Variants in TBC1D5 observed in about 807,000 individuals in gnomAD.
TBC1D5 encodes the protein TBC1 domain family member 5.
A neutral mutation model predicts 100.3 loss-of-function variants in TBC1D5; 75 were observed. The ratio of observed to expected loss-of-function variants is 0.75; its 90% CI spans 0.62 to 0.91. The LOEUF (loss-of-function observed/expected upper bound fraction) is 0.91. Among genes scored for constraint, TBC1D5 ranks in the 40% least tolerant of loss-of-function variants. The pLI is 0.00. For synonymous variants in TBC1D5, 323 were observed against 325.6 expected (o/e 0.99, Z 0.09); for missense variants, 910 against 942.4 (o/e 0.97, Z 0.45).
At chr3:17,577,371 T>C (rs1055827616) in intron 2 of TBC1D5, among the ~76,000 whole-genome samples, 3 of 151,992 alleles carry the variant, frequency 2.0e-5, no homozygotes, top group Non-Finnish European at 4.4e-5. Flanking sequence ...GAAACAGATA[T>C]AATTAAAAAC....
chr3:17,335,681 C>T (rs373164174), intron 13 of TBC1D5, among the ~76,000 whole-genome samples: 2 of 152,048 alleles, frequency 1.3e-5, no homozygotes, highest in Admixed American at 1.3e-4. Flanking sequence ...CAATGATCTA[C>T]GTTTTAAGGA....
chr3:17,496,691 A>G (rs1211534683), intron 3 of TBC1D5, among the ~76,000 whole-genome samples: 1 of 152,176 alleles, frequency 6.6e-6, no homozygotes, highest in African/African-American at 2.4e-5. Context: ...GTGGACTGCA[A>G]CGTGAAAAAA....
At chr3:17,637,145 A>C (rs1413810672) in intron 1 of TBC1D5, among the ~76,000 whole-genome samples, 1 of 146,492 alleles carries the variant, frequency 6.8e-6, no homozygotes, top group East Asian at 2.0e-4. Flanking sequence ...CCTCAGCCTC[A>C]GGAGTAGCTG....
chr3:17,565,678 TCTC>T (rs2096589120), intron 2 of TBC1D5, among the ~76,000 whole-genome samples: 1 of 152,078 alleles, frequency 6.6e-6, no homozygotes, highest in African/African-American at 2.4e-5. Context: ...AAAGAAATAA[TCTC>T]CTCATTCCTT....
chr3:17,214,445 A>G (rs2073381226), intron 17 of TBC1D5, 75 bp from the exon 19 acceptor site: 1 of 1,467,346 alleles, frequency 6.8e-7, no homozygotes, highest in Admixed American at 2.1e-5. Flanking sequence ...TGTTTTTAAT[A>G]AATGATGATC....
chr3:17,416,730 T>C (rs188413510), intron 4 of TBC1D5, among the ~76,000 whole-genome samples: 1 of 152,316 alleles, frequency 6.6e-6, no homozygotes, highest in East Asian at 1.9e-4. Context: ...GTGGTTTCTG[T>C]TTCTATCACT....
At chr3:17,358,951 TAAAAG>T (rs2091466436) in intron 13 of TBC1D5, among the ~76,000 whole-genome samples, 1 of 152,032 alleles carries the variant, frequency 6.6e-6, no homozygotes, top group South Asian at 2.1e-4. Context: ...CAAATTTTAA[TAAAAG>T]AAATTTTTAG....
At chr3:17,277,606 C>T (rs1261537759) in intron 15 of TBC1D5, among the ~76,000 whole-genome samples, 11 of 152,122 alleles carry the variant, frequency 7.2e-5, no homozygotes, top group Admixed American at 7.2e-4. Context: ...GAAGGGTAAT[C>T]GAGCTGAAAT....
chr3:17,173,887 C>T (rs759096044), intron 19 of TBC1D5, among the ~76,000 whole-genome samples: 3 of 152,156 alleles, frequency 2.0e-5, no homozygotes, highest in Non-Finnish European at 2.9e-5. Context: ...GAGGGGCAGA[C>T]CTGTCATTTG....
intron 2 of TBC1D5, among the ~76,000 whole-genome samples, chr3:17,559,772 G>C (rs1021376233): frequency 6.6e-6 from 1 of 151,780 alleles, no homozygotes; most frequent in Non-Finnish European, 1.5e-5. Context: ...TGTATTTTTA[G>C]TACAGACGGG....
intron 3 of TBC1D5, among the ~76,000 whole-genome samples, chr3:17,506,306 C>A (rs535497800): frequency 1.3e-5 from 2 of 152,106 alleles, no homozygotes; most frequent in Non-Finnish European, 2.9e-5. Context: ...TTTACCTATA[C>A]AATGCACAAA....
intron 4 of TBC1D5, among the ~76,000 whole-genome samples, chr3:17,408,975 A>G (rs368580624): frequency 5.9e-5 from 9 of 152,250 alleles, no homozygotes; most frequent in African/African-American, 2.2e-4. Context: ...GTAGTTACGC[A>G]TATATACTGA....
intron 13 of TBC1D5, among the ~76,000 whole-genome samples, chr3:17,341,823 T>C (rs889766655): frequency 1.4e-4 from 21 of 152,306 alleles, no homozygotes; most frequent in East Asian, 5.8e-4. Context: ...TTAATTCTTC[T>C]GACACAGAAC....
At chr3:17,175,581 C>T (rs1361290505) in intron 19 of TBC1D5, among the ~76,000 whole-genome samples, 2 of 152,166 alleles carry the variant, frequency 1.3e-5, no homozygotes, top group East Asian at 3.9e-4. Flanking sequence ...ATATGTACTT[C>T]TAAAAATAAA....
At position 17,556,916 on chromosome 3, in the gene TBC1D5, T is replaced by C. The variant is rs545581833; in HGVS notation, c.-35-48311A>G. On this transcript the variant is annotated intron_variant, in intron 2 of 21. Transcript: ENST00000253692. ...GGATAAAGAAGTAGAAGAAACCCATTTAAGACACTGGCAAACACACATGTA... is the reference window on the plus strand; with the variant it reads ...GGATAAAGAAGTAGAAGAAACCCATCTAAGACACTGGCAAACACACATGTA... 3.3e-5 allele frequency among the ~76,000 whole-genome samples: 5 copies of C among 152,206 alleles called. No homozygotes were observed. The East Asian group carries it at 9.6e-4, about 29-fold the overall frequency.
chr3:17,337,129 T>TG (rs2088006532), intron 13 of TBC1D5, among the ~76,000 whole-genome samples: 1 of 150,364 alleles, frequency 6.7e-6, no homozygotes, highest in Admixed American at 6.6e-5. Flanking sequence ...AGAGGTTTTT[T>TG]TTTTTTTTTT....
chr3:17,540,673 C>T lies in TBC1D5; in HGVS notation c.-35-32068G>A, dbSNP rs557289024. Among the ~76,000 whole-genome samples, 8 of 152,022 alleles carry T rather than the reference C, an allele frequency of 5.3e-5. No individual in the cohort carries two copies. The South Asian group carries it at 1.7e-3, about 32-fold the overall frequency. On this transcript the variant is annotated intron_variant, in intron 2 of 21. Transcript: ENST00000253692. Reference sequence around the variant, plus strand: ...CCTGTAATCCCAGCACCTTGGGAGGCCGAGGCGGGCAGATCACGAGGTCAA... The same window carrying T: ...CCTGTAATCCCAGCACCTTGGGAGGTCGAGGCGGGCAGATCACGAGGTCAA...
At chr3:17,187,244 A>G (rs1000564445) in intron 18 of TBC1D5, among the ~76,000 whole-genome samples, 3 of 152,200 alleles carry the variant, frequency 2.0e-5, no homozygotes, top group African/African-American at 7.2e-5. Flanking sequence ...GGACTGGCCT[A>G]TGACTTGCAT....
At chr3:17,253,638 T>A (rs1248569688) in intron 16 of TBC1D5, among the ~76,000 whole-genome samples, 1 of 152,258 alleles carries the variant, frequency 6.6e-6, no homozygotes, top group East Asian at 1.9e-4. Flanking sequence ...CTCTTTAGAG[T>A]CAATTCCAAA....
Sources: gnomAD v4.1 joint callset for allele counts (sites outside exome capture counted in the v4.1 genomes callset) on GRCh38, gnomAD v4.1.1 for gene constraint, MANE v1.5 for transcripts, NCBI Gene and HGNC (gene_info 2026-07-23, HGNC 2026-07-21) for gene names.